The following ADGRB3 variants were observed in gnomAD, a reference collection of about 807,000 sequenced individuals.
The protein encoded by ADGRB3 is adhesion G protein-coupled receptor B3, also known as brain-specific angiogenesis inhibitor 3.
Under a neutral mutation model 193.4 loss-of-function variants are expected in ADGRB3, and 37 were observed. That is an observed-to-expected ratio of 0.19 (90% CI 0.15 to 0.25). The LOEUF (loss-of-function observed/expected upper bound fraction) is 0.25, where lower values mean the gene tolerates loss of function less well. Ranked by LOEUF, ADGRB3 falls within the 10% of genes least tolerant of loss-of-function variation. ADGRB3 has a pLI of 1.00. For synonymous variants in ADGRB3, 690 were observed against 644.2 expected (o/e 1.07, Z -1.08); for missense variants, 1,637 against 1,852.9 (o/e 0.88, Z 2.14).
intron 20 of ADGRB3, among the ~76,000 whole-genome samples, chr6:69,284,290 A>G (rs182161479): frequency 1.3e-5 from 2 of 152,130 alleles, no homozygotes; most frequent in African/African-American, 4.8e-5. Flanking sequence ...CACTTTGCAC[A>G]TAGTCATCGT....
intron 19 of ADGRB3, among the ~76,000 whole-genome samples, chr6:69,236,098 G>A (rs1200062170): frequency 1.3e-5 from 2 of 151,890 alleles, no homozygotes; most frequent in Non-Finnish European, 2.9e-5. Context: ...AAAACATTCA[G>A]TTGAAAAATG....
At chr6:68,960,798 CA>C (rs1161058010) in intron 8 of ADGRB3, among the ~76,000 whole-genome samples, 4 of 152,100 alleles carry the variant, frequency 2.6e-5, no homozygotes, top group East Asian at 1.9e-4. Flanking sequence ...AGCCAGACCC[CA>C]CCAGCCATTC....
At position 69,361,343 on chromosome 6, in the gene ADGRB3, A is replaced by C; in HGVS notation, c.4070A>C (p.Asp1357Ala). 6.2e-7 allele frequency: 1 copy of C among 1,613,094 alleles called. No individual in the cohort carries two copies. The highest frequency in any genetic ancestry group is 1.1e-5 in the South Asian group (1 of 91,068). Residue 1357 changes from aspartate to alanine, a missense_variant, in exon 29 of 32, where the codon GAC becomes GCC. This residue lies in a region of ADGRB3 where 368 missense variants were observed against 367.4 expected (regional missense o/e 1.00). Transcript: ENST00000370598. ...TTCAATATGAATCCCCCTGTAATGG[A>C]CCAGTTCAATATGAACTTAGAGCAA... ...PEFNMNPPVMDQFNMNLEQHL... is the reference protein window; with the variant it reads ...PEFNMNPPVMAQFNMNLEQHL...
chr6:69,305,014 C>T (rs1768035536), intron 20 of ADGRB3, among the ~76,000 whole-genome samples: 1 of 151,372 alleles, frequency 6.6e-6, no homozygotes, highest in South Asian at 2.1e-4. Flanking sequence ...TGGCTCATTA[C>T]ATTTTACGGG....
chr6:68,828,520 G>A (rs191973362), intron 3 of ADGRB3, among the ~76,000 whole-genome samples: 34 of 152,116 alleles, frequency 2.2e-4, no homozygotes, highest in African/African-American at 8.2e-4. Context: ...AAAGTGTTTA[G>A]GGTAGTGTGT....
At chr6:69,193,330 A>G (rs979641915) in intron 17 of ADGRB3, among the ~76,000 whole-genome samples, 1 of 152,158 alleles carries the variant, frequency 6.6e-6, no homozygotes, top group Non-Finnish European at 1.5e-5. Flanking sequence ...CAAGAAAATG[A>G]TAACTAAAAC....
intron 3 of ADGRB3, among the ~76,000 whole-genome samples, chr6:68,654,645 G>T (rs1335674378): frequency 6.6e-6 from 1 of 151,780 alleles, no homozygotes; most frequent in East Asian, 1.9e-4. Flanking sequence ...CTCACAAGCA[G>T]TCTATGCATA....
intron 4 of ADGRB3, among the ~76,000 whole-genome samples, chr6:68,933,144 A>G (rs753580642): frequency 2.0e-5 from 3 of 151,658 alleles, no homozygotes; most frequent in Non-Finnish European, 4.4e-5. Context: ...TTAAATGCCA[A>G]TAAGATGGCT....
chr6:68,988,143 T>C (rs1174797859), intron 10 of ADGRB3, among the ~76,000 whole-genome samples: 1 of 152,102 alleles, frequency 6.6e-6, no homozygotes, highest in African/African-American at 2.4e-5. Flanking sequence ...GTTTTAGAGA[T>C]TATAGTGGAA....
intron 17 of ADGRB3, among the ~76,000 whole-genome samples, chr6:69,201,062 C>A (rs895356034): frequency 1.3e-5 from 2 of 152,080 alleles, no homozygotes; most frequent in African/African-American, 4.8e-5. Context: ...TGTATCTTTC[C>A]ACCTGAGAAC....
intron 20 of ADGRB3, among the ~76,000 whole-genome samples, chr6:69,267,885 C>T (rs554382662): frequency 2.0e-5 from 3 of 152,244 alleles, no homozygotes; most frequent in South Asian, 2.1e-4. Flanking sequence ...ATTTCCCTCC[C>T]GGTTTCCAGT....
chr6:69,155,332 A>G (rs1338731618), intron 17 of ADGRB3, among the ~76,000 whole-genome samples: 2 of 152,250 alleles, frequency 1.3e-5, no homozygotes, highest in Non-Finnish European at 2.9e-5. Context: ...ACATTTTGGT[A>G]TAGGCCACCC....
intron 3 of ADGRB3, among the ~76,000 whole-genome samples, chr6:68,923,962 T>G (rs1767113351): frequency 6.6e-6 from 1 of 152,082 alleles, no homozygotes; most frequent in African/African-American, 2.4e-5. Context: ...TGTAAAGGTG[T>G]TAACAATTAT....
chr6:68,890,742 A>G (rs1233582631), intron 3 of ADGRB3, among the ~76,000 whole-genome samples: 1 of 152,216 alleles, frequency 6.6e-6, no homozygotes, highest in Non-Finnish European at 1.5e-5. Context: ...AAAATGCACT[A>G]AGAATTAATG....
chr6:68,789,633 T>G (rs1767058062), intron 3 of ADGRB3, among the ~76,000 whole-genome samples: 2 of 152,264 alleles, frequency 1.3e-5, no homozygotes, highest in Admixed American at 6.5e-5. Flanking sequence ...TATGTGTCTT[T>G]GAGTTGCTCT....
chr6:69,321,537 A>T (rs965390470), intron 20 of ADGRB3, among the ~76,000 whole-genome samples: 2 of 151,784 alleles, frequency 1.3e-5, no homozygotes, highest in African/African-American at 4.8e-5. Flanking sequence ...CCAAGATATG[A>T]ACCTCGTCAT....
intron 8 of ADGRB3, 76 bp from the exon 9 acceptor site, chr6:68,974,687 G>A (rs1316583186): frequency 3.6e-6 from 4 of 1,099,156 alleles, no homozygotes; most frequent in Non-Finnish European, 5.5e-6. Flanking sequence ...AGTTAGAGAG[G>A]TGCCTTTGAC....
At chr6:68,860,239 A>G (rs1479341739) in intron 3 of ADGRB3, among the ~76,000 whole-genome samples, 1 of 152,038 alleles carries the variant, frequency 6.6e-6, no homozygotes, top group African/African-American at 2.4e-5. Flanking sequence ...ATTTTATTTT[A>G]TTTTACTTTT....
At chr6:68,805,698 G>T (rs1341134165) in intron 3 of ADGRB3, among the ~76,000 whole-genome samples, 2 of 152,124 alleles carry the variant, frequency 1.3e-5, no homozygotes, top group African/African-American at 4.8e-5. Flanking sequence ...ACTTTATATG[G>T]CACATAAGGC....
Sources: gnomAD v4.1 joint callset for allele counts (sites outside exome capture counted in the v4.1 genomes callset) on GRCh38, gnomAD v4.1.1 for gene constraint, gnomAD v4.1.1 regional missense constraint, MANE v1.5 for transcripts, NCBI Gene and HGNC (gene_info 2026-07-23, HGNC 2026-07-21) for gene names.